RERE: variants seen among roughly 807,000 people sequenced by gnomAD.
The protein encoded by RERE is arginine-glutamic acid dipeptide repeats, also known as arginine-glutamic acid dipeptide repeats protein.
A neutral mutation model predicts 146.1 loss-of-function variants in RERE; 40 were observed. That is an observed-to-expected ratio of 0.27 (90% CI 0.21 to 0.36). The LOEUF (loss-of-function observed/expected upper bound fraction) is 0.36, where lower values mean the gene tolerates loss of function less well. RERE is among the 10% of genes least tolerant of loss of function. The probability of loss-of-function intolerance (pLI) is 1.00; values close to 1 mark genes in which losing one functional copy is unlikely to be tolerated. For missense variants in RERE, 1,933 were observed against 2,138.7 expected (o/e 0.90, Z 1.90); for synonymous variants, 1,003 against 866.0 (o/e 1.16, Z -2.78).
chr1:8,355,858 CCG>C (rs1641269055), intron 21 of RERE, among the ~76,000 whole-genome samples: 1 of 152,122 alleles, frequency 6.6e-6, no homozygotes, highest in Non-Finnish European at 1.5e-5. Flanking sequence ...CAGAGACCTG[CCG>C]TGAGTCCCCT....
chr1:8,684,846 T>C (rs75026266), intron 1 of RERE, among the ~76,000 whole-genome samples: 1 of 5,080 alleles, frequency 2.0e-4, no homozygotes, highest in African/African-American at 1.2e-3. Flanking sequence ...ATTCATCCAT[T>C]CATTCATTCA....
intron 7 of RERE, among the ~76,000 whole-genome samples, chr1:8,539,349 A>G (rs972899712): frequency 6.6e-6 from 1 of 152,272 alleles, no homozygotes; most frequent in Middle Eastern, 3.4e-3. Flanking sequence ...AACACGGCAT[A>G]CTTTTGAAAA....
intron 1 of RERE, among the ~76,000 whole-genome samples, chr1:8,720,777 C>T (rs772725273): frequency 3.3e-5 from 5 of 152,162 alleles, no homozygotes; most frequent in Non-Finnish European, 7.4e-5. Flanking sequence ...AAAATCTAGC[C>T]GGGCACAGTG....
intron 12 of RERE, among the ~76,000 whole-genome samples, chr1:8,389,530 A>C (rs1323855564): frequency 6.6e-6 from 1 of 152,198 alleles, no homozygotes; most frequent in East Asian, 1.9e-4. Flanking sequence ...AGCCAAGGTC[A>C]CTGTGCCTCT....
intron 7 of RERE, among the ~76,000 whole-genome samples, chr1:8,513,491 GC>G (rs1645369697): frequency 6.6e-6 from 1 of 152,182 alleles, no homozygotes; most frequent in Non-Finnish European, 1.5e-5. Flanking sequence ...GAAGAATATA[GC>G]CTTTTTGATA....
At chr1:8,533,965 T>A (rs889888366) in intron 7 of RERE, among the ~76,000 whole-genome samples, 3 of 152,250 alleles carry the variant, frequency 2.0e-5, no homozygotes, top group African/African-American at 7.2e-5. Context: ...AAAATACATG[T>A]ACTCTCAACC....
intron 8 of RERE, among the ~76,000 whole-genome samples, chr1:8,502,624 T>A (rs962319876): frequency 6.7e-6 from 1 of 148,172 alleles, no homozygotes; most frequent in East Asian, 2.0e-4. Context: ...ATGATGACAA[T>A]GGCGGTTTTG....
intron 1 of RERE, chr1:8,786,556 G>A (rs1641262538): frequency 2.6e-6 from 2 of 775,394 alleles, no homozygotes; most frequent in East Asian, 2.4e-5. Context: ...GTTAACTGAA[G>A]CCTTGTTGAG....
At chr1:8,708,776 A>G (rs529195565) in intron 1 of RERE, among the ~76,000 whole-genome samples, 12 of 152,024 alleles carry the variant, frequency 7.9e-5, no homozygotes, top group Non-Finnish European at 1.8e-4. Context: ...TTTTCTTCCC[A>G]GTCTCTGGTA....
At chr1:8,467,624 C>T (rs1203609566) in intron 10 of RERE, among the ~76,000 whole-genome samples, 1 of 152,168 alleles carries the variant, frequency 6.6e-6, no homozygotes, top group African/African-American at 2.4e-5. Context: ...AAAGGAATAT[C>T]ACAAACATTC....
intron 11 of RERE, among the ~76,000 whole-genome samples, chr1:8,456,328 G>C (rs301810): frequency 0.85 from 129,783 of 152,228 alleles, 55,707 homozygotes; most frequent in East Asian, 0.95. Flanking sequence ...GATAGAGGTA[G>C]AGCAGGTACA....
rs370761311 is a variant in RERE, at chr1:8,358,273, T to C, written c.4262A>G (p.Asn1421Ser). Residue 1421 changes from asparagine to serine, a missense_variant, in exon 20 of 23, where the codon AAC becomes AGC. Transcript: ENST00000400908. ...SDPLARLQMF[N>S]VTPHHHQHSH... is the part of the protein sequence containing the mutation. ...GTGCTGGTGATGGTGCGGAGTCACGTTGAACATCTGCAGTCGGGCCAGGGG... is the reference window on the plus strand; with the variant it reads ...GTGCTGGTGATGGTGCGGAGTCACGCTGAACATCTGCAGTCGGGCCAGGGG... 106 of 1,613,538 alleles carry C rather than the reference T, an allele frequency of 6.6e-5. No homozygotes were observed. The highest frequency in any genetic ancestry group is 1.0e-4 in the Admixed American group (6 of 59,996).
chr1:8,403,279 T>C (rs570465083), intron 12 of RERE, among the ~76,000 whole-genome samples: 7 of 152,306 alleles, frequency 4.6e-5, no homozygotes, highest in Admixed American at 1.3e-4. Context: ...TTGTCTCTTT[T>C]GAAATTTCCT....
intron 10 of RERE, among the ~76,000 whole-genome samples, chr1:8,489,981 C>G (rs1236057745): frequency 6.7e-6 from 1 of 150,064 alleles, no homozygotes; most frequent in Non-Finnish European, 1.5e-5. Context: ...ACCCGGGAGG[C>G]AGAGCTCGCA....
chr1:8,408,182 T>C (rs1170854961), intron 12 of RERE, among the ~76,000 whole-genome samples: 1 of 151,546 alleles, frequency 6.6e-6, no homozygotes, highest in African/African-American at 2.4e-5. Flanking sequence ...CGCTTAACCT[T>C]GGCTAAGTTA....
intron 1 of RERE, among the ~76,000 whole-genome samples, chr1:8,735,427 T>C (rs998882567): frequency 6.6e-6 from 1 of 152,240 alleles, no homozygotes; most frequent in Non-Finnish European, 1.5e-5. Context: ...CACATATATG[T>C]ACATCTCTTT....
chr1:8,707,971 T>G (rs2124451270), intron 1 of RERE, among the ~76,000 whole-genome samples: 1 of 152,340 alleles, frequency 6.6e-6, no homozygotes, highest in South Asian at 2.1e-4. Flanking sequence ...TTCTTATTAT[T>G]GATAATTTAA....
At chr1:8,762,464 A>C (rs906117679) in intron 1 of RERE, among the ~76,000 whole-genome samples, 7 of 152,236 alleles carry the variant, frequency 4.6e-5, no homozygotes, top group African/African-American at 1.7e-4. Flanking sequence ...AATTTTTTTA[A>C]AACATACAAA....
chr1:8,628,977 T>C (rs1389100804), intron 2 of RERE, among the ~76,000 whole-genome samples: 1 of 152,214 alleles, frequency 6.6e-6, no homozygotes, highest in East Asian at 1.9e-4. Context: ...CTGAAAGAAC[T>C]GCACAAAGCT....
Sources: allele counts gnomAD v4.1 joint callset (sites outside exome capture counted in the v4.1 genomes callset), GRCh38; gene constraint gnomAD v4.1.1; transcripts MANE v1.5; gene names NCBI Gene and HGNC (gene_info 2026-07-23, HGNC 2026-07-21).